METTL27: variants seen among roughly 807,000 people sequenced by gnomAD.
METTL27 encodes the protein methyltransferase-like protein 27.
A neutral mutation model predicts 24.5 loss-of-function variants in METTL27; 29 were observed. The ratio of observed to expected loss-of-function variants is 1.18; its 90% confidence interval spans 0.88 to 1.61. The LOEUF is 1.61. METTL27 is among the 40% of genes most tolerant of loss of function. The pLI is 0.00. For missense variants in METTL27, 341 were observed against 324.3 expected, an observed-to-expected ratio of 1.05 and a Z score of -0.40; for synonymous variants, 138 against 146.8, an observed-to-expected ratio of 0.94 and a Z score of 0.43.
chr7:73,838,443 G>C (rs1417549504), intron 5 of METTL27, among the ~76,000 whole-genome samples: 1 of 152,202 alleles, frequency 6.6e-6, no homozygotes, highest in African/African-American at 2.4e-5. Context: ...CACCTATAGT[G>C]TGCGTGCCCA....
chr7:73,839,024 C>T (rs1788283859), intron 5 of METTL27, among the ~76,000 whole-genome samples: 1 of 152,308 alleles, frequency 6.6e-6, no homozygotes, highest in Non-Finnish European at 1.5e-5. Context: ...TGGCTCATGC[C>T]TATAATCCCA....
Position 73,840,136 on chromosome 7 carries a change from G to C in METTL27, c.389-16C>G, listed in dbSNP as rs782820897. On this transcript the variant is annotated splice_polypyrimidine_tract_variant and intron_variant, in intron 4 of 5. Coordinates refer to ENST00000297873, the MANE Select transcript of METTL27 (RefSeq NM_152559.3). ...TCGAAGGTCCCTGTGTGTGTGTGGG[G>C]GGGGGTGGGGACATGGTGTGATGCT... 7.6e-4 allele frequency: 1,113 copies of C among 1,471,388 alleles called. 7 individuals are homozygous for C. The highest frequency in any genetic ancestry group is 4.9e-4 in the Non-Finnish European group (520 of 1,069,386). The allele number at this position is 1,471,388 out of a possible 1,614,324, so 91.1% of individuals were successfully genotyped here.
intron 3 of METTL27, 76 bp from the exon 4 acceptor site, chr7:73,840,625 C>T: frequency 6.6e-7 from 1 of 1,503,960 alleles, no homozygotes; most frequent in Non-Finnish European, 8.9e-7. Flanking sequence ...CTTGGCAGGG[C>T]AGTGGACTCT....
intron 5 of METTL27, among the ~76,000 whole-genome samples, chr7:73,836,069 C>T (rs553769723): frequency 3.0e-3 from 452 of 151,912 alleles, no homozygotes; most frequent in African/African-American, 9.9e-3. Context: ...GCCACCCCAT[C>T]CGGGAGGGAG....
At chr7:73,841,953 TC>T in intron 2 of METTL27, 64 bp downstream of exon 2, 1 of 1,612,626 alleles carries the variant, frequency 6.2e-7, no homozygotes, top group Non-Finnish European at 8.5e-7. Context: ...CAAGGCTGAT[TC>T]CCCACTTTAC....
At position 73,834,768 on chromosome 7, in the gene METTL27, C is replaced by T. The variant is rs1788110708; in HGVS notation, c.713G>A (p.Gly238Glu). ...SPALSTCTES[G>E]RRPRLRK ...TCACTTCCTCAACCTGGGTCGCCTT[C>T]CACTTTCGGTACAGGTAGACAATGC... Residue 238 changes from glycine to glutamate, a missense_variant, in exon 6 of 6, where the codon GGA becomes GAA. By Grantham distance (98) the Gly-to-Glu change is moderately conservative. Transcript: ENST00000297873. The T allele has an allele frequency of 6.2e-7, 1 of 1,614,128 alleles. No individual in the cohort carries two copies. Among genetic ancestry groups the T allele is most frequent in the East Asian group, 2.2e-5 (1 of 44,886 alleles).
chr7:73,841,064 C>T lies in METTL27; in HGVS notation c.252+6G>A. 1 of 1,477,884 alleles carries T rather than the reference C, an allele frequency of 6.8e-7. No individual in the cohort carries two copies. Among genetic ancestry groups the T allele is most frequent in the South Asian group, 1.4e-5 (1 of 71,610 alleles). The allele number at this position is 1,477,884 out of a possible 1,614,324, so 91.5% of individuals were successfully genotyped here. A position where few individuals can be genotyped will look rare whatever the true frequency, so the allele number is the denominator to read the frequency against. On this transcript the variant is annotated splice_donor_region_variant and intron_variant, in intron 3 of 5. Transcript: ENST00000297873. The stretch of plus-strand genomic sequence containing the variant: ...GGAGTAGGCAGGGGATCTGGAAGAG[C>T]CTCACCTCGGCAGCCACTAGGCCTG...
At chr7:73,839,939 C>G in intron 5 of METTL27, 92 bp downstream of exon 5, 1 of 1,234,770 alleles carries the variant, frequency 8.1e-7, no homozygotes, top group Non-Finnish European at 1.1e-6. Flanking sequence ...CCTCGCTTAG[C>G]CTGAGGGGCT....
At position 73,834,883 on chromosome 7, in the gene METTL27, G is replaced by T. The variant is rs147032350; in HGVS notation, c.598C>A (p.Pro200Thr). Reference sequence around the variant, plus strand: ...CCAGCGGTCCACAGGCGGTCCACAGGCCAGGCCACCAGGCCTTCCCACATC... The same window carrying T: ...CCAGCGGTCCACAGGCGGTCCACAGTCCAGGCCACCAGGCCTTCCCACATC... ...AGMWEGLVAW[P>T]VDRLWTAGSW... is the part of the protein sequence containing the mutation. Residue 200 changes from proline (P) to threonine (T), a missense_variant, in exon 6 of 6, where the codon CCT becomes ACT. Transcript: ENST00000297873. 2.4e-4 allele frequency: 386 copies of T among 1,613,924 alleles called. No individual in the cohort carries two copies. Among genetic ancestry groups the T allele is most frequent in the Non-Finnish European group, 2.9e-4 (347 of 1,180,030 alleles).
chr7:73,836,098 C>T (rs1788178574), intron 5 of METTL27, among the ~76,000 whole-genome samples: 1 of 151,796 alleles, frequency 6.6e-6, no homozygotes, highest in Admixed American at 6.6e-5. Context: ...GTCAGCCCCC[C>T]GCCCCACCAG....
At chr7:73,838,217 A>G (rs536288074) in intron 5 of METTL27, among the ~76,000 whole-genome samples, 15 of 152,190 alleles carry the variant, frequency 9.9e-5, no homozygotes, top group Admixed American at 3.3e-4. Context: ...CCACTCACCC[A>G]CGCCTCTGCT....
At chr7:73,840,939 T>A in intron 3 of METTL27, 131 bp downstream of exon 3, 1 of 1,323,224 alleles carries the variant, frequency 7.6e-7, no homozygotes, top group South Asian at 1.9e-5. Flanking sequence ...AGCCACAGTA[T>A]GCCTGGTCCT....
chr7:73,836,629 T>C (rs868995097), intron 5 of METTL27, among the ~76,000 whole-genome samples: 55 of 802 alleles, frequency 0.069, 2 homozygotes, highest in South Asian at 1. Flanking sequence ...CCCCTCTGCC[T>C]GGCCAGCCGC....
At chr7:73,842,199 C>T (rs2130563952) in intron 1 of METTL27, 55 bp from the exon 2 acceptor site, 3 of 1,554,780 alleles carry the variant, frequency 1.9e-6, no homozygotes, top group Middle Eastern at 2.3e-4. Context: ...CCATCCCCTC[C>T]TTTCCCCCTT....
At chr7:73,836,104 A>C (rs1176879580) in intron 5 of METTL27, among the ~76,000 whole-genome samples, 2 of 146,382 alleles carry the variant, frequency 1.4e-5, no homozygotes, top group South Asian at 4.5e-4. Context: ...CCCCCGCCCC[A>C]CCAGCCGCCC....
intron 4 of METTL27, 93 bp from the exon 5 acceptor site, chr7:73,840,213 G>A (rs551620649): frequency 4.1e-6 from 6 of 1,478,372 alleles, no homozygotes; most frequent in East Asian, 4.6e-5. Flanking sequence ...GGGGTGGGAC[G>A]AGGCTACTAC....
chr7:73,834,827 A>G lies in METTL27; in HGVS notation c.654T>C (p.Tyr218=). 1 of 1,614,134 alleles carries G rather than the reference A, an allele frequency of 6.2e-7. No individual in the cohort carries two copies. The highest frequency in any genetic ancestry group is 8.5e-7 in the Non-Finnish European group (1 of 1,180,026). Residue 218 remains tyrosine (Y), a synonymous_variant, in exon 6 of 6, where the codon TAT becomes TAC. Transcript: ENST00000297873. Reference sequence around the variant, plus strand: ...AAGCCATCCTTGGCAGAGATGCCGGATACCACCTCCAGCTCGGAGGTAGCC... The same window carrying G: ...AAGCCATCCTTGGCAGAGATGCCGGGTACCACCTCCAGCTCGGAGGTAGCC... ...GSWLPPSWRW[Y]PASLPRMASS...
rs911624231 is a variant in METTL27, at chr7:73,834,664, G to A, written c.*79C>T. The stretch of plus-strand genomic sequence containing the variant: ...GGTTCGGAGGTCCCATTTTACAGGG[G>A]AGGCAGAGGAGGCCCAGCAGATGGG... On this transcript the variant is annotated 3_prime_UTR_variant, in exon 6 of 6. Coordinates refer to ENST00000297873, the MANE Select transcript of METTL27 (RefSeq NM_152559.3). The A allele has an allele frequency of 7.6e-7, 1 of 1,316,562 alleles. No homozygotes were observed. The highest frequency in any genetic ancestry group is 1.1e-6 in the Non-Finnish European group (1 of 948,112). The allele number at this position is 1,316,562 out of a possible 1,614,324, so 81.6% of individuals were successfully genotyped here.
Position 73,842,132 on chromosome 7 carries a change from C to A in METTL27, c.9G>T (p.Gln3His), listed in dbSNP as rs1554636620. The A allele has an allele frequency of 6.2e-7, 1 of 1,610,758 alleles. No individual in the cohort carries two copies. The highest frequency in any genetic ancestry group is 8.5e-7 in the Non-Finnish European group (1 of 1,179,660). Reference sequence around the variant, plus strand: ...CCTCGGGCAGGCTCCCACCCTCCTCCTGGGCCATGCTCCTGTGGGGACACC... The same window carrying A: ...CCTCGGGCAGGCTCCCACCCTCCTCATGGGCCATGCTCCTGTGGGGACACC... MA[Q>H]EEGGSLPEVR... Residue 3 changes from glutamine to histidine, a missense_variant, in exon 2 of 6, where the codon CAG (glutamine) becomes CAT (histidine). Physicochemically the swap from Gln to His is conservative, Grantham distance 24 (BLOSUM62 0). Coordinates refer to ENST00000297873, the MANE Select transcript of METTL27 (RefSeq NM_152559.3).
Sources: gnomAD v4.1 joint callset for allele counts (sites outside exome capture counted in the v4.1 genomes callset) on GRCh38, gnomAD v4.1.1 for gene constraint, MANE v1.5 for transcripts, NCBI Gene and HGNC (gene_info 2026-07-23, HGNC 2026-07-21) for gene names.